Variants in GLI1 observed in about 807,000 individuals in gnomAD.
The protein encoded by GLI1 is transcription activator GLI1.
A neutral mutation model predicts 87.8 loss-of-function variants in GLI1; 51 were observed. That is an observed-to-expected ratio of 0.58 (90% CI 0.46 to 0.73). The LOEUF (loss-of-function observed/expected upper bound fraction) is 0.73. Ranked by LOEUF, GLI1 falls within the 30% of genes least tolerant of loss-of-function variation. The pLI is 0.00. For missense variants in GLI1, 1,292 were observed against 1,437.2 expected (o/e 0.90, Z 1.63); for synonymous variants, 528 against 558.2 (o/e 0.95, Z 0.76).
In GLI1 at chr12:57,471,344, A is replaced by G. The variant is rs766602765; in HGVS notation, c.2604A>G (p.Pro868=). Residue 868 remains proline, a synonymous_variant, in exon 12 of 12, where the codon CCA becomes CCG. Coordinates refer to ENST00000228682, the MANE Select transcript of GLI1 (RefSeq NM_005269.3). The surrounding 1 kb of genome is among the most constrained non-coding windows in gnomAD (Gnocchi z 4.9). ...TCCAGTCAGGCCCCTATACCCAGCCACCCCCTGATTATCTTCCTTCAGAAC... is the reference window on the plus strand; with the variant it reads ...TCCAGTCAGGCCCCTATACCCAGCCGCCCCCTGATTATCTTCCTTCAGAAC... ...QYLQSGPYTQ[P]PPDYLPSEPR... The G allele has an allele frequency of 1.9e-6, 3 of 1,567,232 alleles. No individual in the cohort carries two copies. The African/African-American group carries it at 4.2e-5, about 22-fold the overall frequency.
At position 57,465,696 on chromosome 12, in the gene GLI1, G is replaced by A; in HGVS notation, c.624G>A (p.Gln208=). 6.2e-7 allele frequency: 1 copy of A among 1,613,992 alleles called. No individual in the cohort carries two copies. The highest frequency in any genetic ancestry group is 8.5e-7 in the Non-Finnish European group (1 of 1,179,830). Residue 208 remains glutamine (Q), a splice_region_variant and synonymous_variant, in exon 6 of 12, where the codon CAG becomes CAA. Transcript: ENST00000228682. ...DMSSPNSTGI[Q]DPLLGMLDGR... ...CCAGCCCCAACTCCACAGGCATACA[G>A]GTAAGGGGATGGGCAGGAGCTTTAC...
intron 10 of GLI1, 28 bp from the exon 11 acceptor site, chr12:57,469,403 T>C (rs1871717518): frequency 5.6e-6 from 9 of 1,607,890 alleles, no homozygotes; most frequent in Non-Finnish European, 6.8e-6. Flanking sequence ...GGGAAGGGTG[T>C]TGCCCTCAGA....
At position 57,471,175 on chromosome 12, in the gene GLI1, T is replaced by G; in HGVS notation, c.2435T>G (p.Val812Gly). The change falls in exon 12 of 12, where the codon GTG (valine) becomes GGG (glycine). Residue 812 changes from valine to glycine, a missense_variant. Physicochemically the swap from Val to Gly is moderately radical, Grantham distance 109 (BLOSUM62 -3). Transcript: ENST00000228682. The surrounding 1 kb of genome is among the most constrained non-coding windows in gnomAD (Gnocchi z 4.9). ...CCTCGACTTGAACATTATGGACAAG[T>G]GCAAGTCAAGCCAGAACAGGGGTGC... ...QCPRLEHYGQ[V>G]QVKPEQGCPV... 2 of 1,604,620 alleles carry G rather than the reference T, an allele frequency of 1.2e-6. No homozygotes were observed. The highest frequency in any genetic ancestry group is 2.2e-5 in the South Asian group (2 of 89,816).
At chr12:57,466,209 C>A in intron 7 of GLI1, 31 bp from the exon 8 acceptor site, 1 of 1,598,218 alleles carries the variant, frequency 6.3e-7, no homozygotes, top group Non-Finnish European at 8.5e-7. Flanking sequence ...CATGGGAGAG[C>A]CTTGGAGAGC....
At position 57,459,950 on chromosome 12, in the gene GLI1, G is replaced by A. The variant is rs1394719894; in HGVS notation, c.-279G>A. ...GTGAGGGGCGAGCGGGAAGAGCGGC[G>A]GCGCGCCAGCGGCTGGAGAGAGAAA... On this transcript the variant is annotated 5_prime_UTR_variant, in exon 1 of 12. Coordinates refer to ENST00000228682, the MANE Select transcript of GLI1 (RefSeq NM_005269.3). Among the ~76,000 whole-genome samples the A allele has an allele frequency of 1.4e-4, 22 of 152,078 alleles. No homozygotes were observed. The highest frequency in any genetic ancestry group is 9.2e-4 in the Admixed American group (14 of 15,272).
At chr12:57,465,305 G>GT (rs1159332621) in intron 5 of GLI1, 50 bp downstream of exon 5, 3 of 1,506,754 alleles carry the variant, frequency 2.0e-6, no homozygotes, top group Non-Finnish European at 2.7e-6. Context: ...AGGGTGGGTG[G>GT]GTGGTGGATT....
rs779645624 is a variant in GLI1 at position 57,465,773 on chromosome 12, C to A, written c.625-15C>A. On this transcript the variant is annotated splice_polypyrimidine_tract_variant and intron_variant, in intron 6 of 11. Coordinates refer to ENST00000228682, the MANE Select transcript of GLI1 (RefSeq NM_005269.3). ...TGTCACCCAAGTGACCCTGAGATTG[C>A]CTCTCTTGCCCTAGGATCCCCTGTT... The A allele has an allele frequency of 6.2e-7, 1 of 1,613,974 alleles. No homozygotes were observed. Among genetic ancestry groups the A allele is most frequent in the African/African-American group, 1.3e-5 (1 of 75,054 alleles).
chr12:57,465,533 G>C, intron 5 of GLI1, 74 bp from the exon 6 acceptor site: 2 of 1,252,860 alleles, frequency 1.6e-6, no homozygotes, highest in Non-Finnish European at 2.3e-6. Flanking sequence ...CTTAGGGCAG[G>C]AAGACCTGGC....
rs1288023013 is a variant in GLI1, at chr12:57,460,192, CCAGA to C, written c.-32_-29del. On this transcript the variant is annotated 5_prime_UTR_variant, in exon 1 of 12. Transcript: ENST00000228682. Reference sequence around the variant, plus strand: ...GGACCGCGCATCCCGAGCCCAGCGCCCAGACAGAGGTGAGAAGGGGGGGCAGGCG... The same window carrying C: ...GGACCGCGCATCCCGAGCCCAGCGCCCAGAGGTGAGAAGGGGGGGCAGGCG... 6.7e-6 allele frequency: 1 copy of C among 149,866 alleles called. No homozygotes were observed. Among genetic ancestry groups the C allele is most frequent in the East Asian group, 2.0e-4 (1 of 5,044 alleles). The allele number at this position is 149,866 out of a possible 1,614,324, so 9.3% of individuals were successfully genotyped here.
Position 57,471,645 on chromosome 12 carries a change from C to G in GLI1, c.2905C>G (p.Pro969Ala), listed in dbSNP as rs1871959085. 4.3e-6 allele frequency: 7 copies of G among 1,613,312 alleles called. No homozygotes were observed. The East Asian group carries it at 1.6e-4, about 36-fold the overall frequency. Residue 969 changes from proline (P) to alanine (A), a missense_variant, in exon 12 of 12, where the codon CCA becomes GCA. Around this residue, in one of 3 missense-constraint regions of GLI1, gnomAD observed 897 missense variants for 1,040.7 expected, o/e 0.86. Transcript: ENST00000228682. The surrounding 1 kb of genome is among the most constrained non-coding windows in gnomAD (Gnocchi z 4.9). ...GTCAGGTTCCTATCCCACCCCTTCA[C>G]CATGCCATGAAAATTTTGTAGTGGG... ...HKSGSYPTPS[P>A]CHENFVVGAN...
Position 57,469,451 on chromosome 12 carries a change from G to A in GLI1, c.1329G>A (p.Gly443=), listed in dbSNP as rs1361543026. The part of the protein sequence containing the change: ...EGAMKPQPSP[G]AQSSCSSDHS... ...CACAGAAGCCACAGCCAAGCCCTGGGGCCCAGTCATCCTGCAGCAGTGACC... is the reference window on the plus strand; with the variant it reads ...CACAGAAGCCACAGCCAAGCCCTGGAGCCCAGTCATCCTGCAGCAGTGACC... Residue 443 remains glycine, a synonymous_variant, in exon 11 of 12, where the codon GGG becomes GGA. Coordinates refer to ENST00000228682, the MANE Select transcript of GLI1 (RefSeq NM_005269.3). 1.9e-6 allele frequency: 3 copies of A among 1,613,802 alleles called. No homozygotes were observed. The highest frequency in any genetic ancestry group is 2.5e-6 in the Non-Finnish European group (3 of 1,180,024).
At chr12:57,467,806 G>C (rs1458787475) in intron 9 of GLI1, among the ~76,000 whole-genome samples, 188 bp from the exon 10 acceptor site, 1 of 152,134 alleles carries the variant, frequency 6.6e-6, no homozygotes, top group African/African-American at 2.4e-5. Context: ...TTCCCAGGCT[G>C]TCAGTTTTCC....
rs1483280901 is a variant in GLI1, at chr12:57,467,390, TCA to T, written c.976_977del (p.Thr326GlyfsTer2). On this transcript the variant is annotated frameshift_variant, in exon 9 of 12. Coordinates refer to ENST00000228682, the MANE Select transcript of GLI1 (RefSeq NM_005269.3). LOFTEE classifies it high-confidence loss of function. ...RLENLKTHLR[S>X]HTGEKPYMCE... ...CGAAAACCTGAAGACGCACCTGCGG[TCA>T]CACACGGGTGAGAAGCCATACATGT... The T allele has an allele frequency of 6.2e-7, 1 of 1,612,800 alleles. No individual in the cohort carries two copies. Among genetic ancestry groups the T allele is most frequent in the Non-Finnish European group, 8.5e-7 (1 of 1,178,982 alleles).
At position 57,463,750 on chromosome 12, in the gene GLI1, G is replaced by A. The variant is rs199861974; in HGVS notation, c.59G>A (p.Arg20Gln). 24 of 1,610,932 alleles carry A rather than the reference G, an allele frequency of 1.5e-5. No homozygotes were observed. The highest frequency in any genetic ancestry group is 2.7e-5 in the African/African-American group (2 of 74,862). Residue 20 changes from arginine (R) to glutamine (Q), a missense_variant, in exon 2 of 12, where the codon CGG becomes CAG. This residue lies in a region of GLI1 where 383 missense variants were observed against 368.4 expected (regional missense o/e 1.04). Transcript: ENST00000228682. Reference protein sequence around the residue: ...ISSYGEPCCLRPLPSQGAPSV... With the variant: ...ISSYGEPCCLQPLPSQGAPSV... ...AGCTATGGCGAGCCCTGCTGTCTCC[G>A]GCCCCTCCCCAGTCAGGGGGCCCCC...
Position 57,472,007 on chromosome 12 carries a change from T to C in GLI1, c.3267T>C (p.Ser1089=), listed in dbSNP as rs146709610. 11 of 1,543,200 alleles carry C rather than the reference T, an allele frequency of 7.1e-6. No individual in the cohort carries two copies. The African/African-American group carries it at 1.5e-4, about 21-fold the overall frequency. ...CCAACATGGCTGTGGGCAACATGAG[T>C]GTCTTACTGAGATCCCTACCTGGGG... The part of the protein sequence containing the change: ...GPPNMAVGNM[S]VLLRSLPGET... Residue 1089 remains serine, a synonymous_variant, in exon 12 of 12, where the codon AGT becomes AGC. Transcript: ENST00000228682.
chr12:57,463,848 C>A, intron 2 of GLI1, 57 bp downstream of exon 2: 1 of 1,087,846 alleles, frequency 9.2e-7, no homozygotes, highest in Non-Finnish European at 1.4e-6. Flanking sequence ...CCCACTTGGG[C>A]CCACCCCCAC....
At chr12:57,461,038 C>T (rs1871107988) in intron 1 of GLI1, among the ~76,000 whole-genome samples, 1 of 152,182 alleles carries the variant, frequency 6.6e-6, no homozygotes, top group South Asian at 2.1e-4. Context: ...GATCGAGGCC[C>T]CTCCTCTGGC....
chr12:57,471,293 C>A lies in GLI1; in HGVS notation c.2553C>A (p.Tyr851Ter), dbSNP rs768421030. 1.3e-6 allele frequency: 2 copies of A among 1,576,758 alleles called. No individual in the cohort carries two copies. The highest frequency in any genetic ancestry group is 1.7e-6 in the Non-Finnish European group (2 of 1,162,792). The change falls in exon 12 of 12, where the codon TAC becomes TAA. Residue 851 changes from tyrosine to a stop codon, truncating the protein, a stop_gained. Coordinates refer to ENST00000228682, the MANE Select transcript of GLI1 (RefSeq NM_005269.3). LOFTEE classifies it high-confidence loss of function. The surrounding 1 kb of genome is among the most constrained non-coding windows in gnomAD (Gnocchi z 4.9). ...PPHPQPLFSHYPQPSPPQYLQ... is the reference protein window; with the variant it reads ...PPHPQPLFSH The stretch of plus-strand genomic sequence containing the variant: ...ATCCACAGCCTCTCTTTTCCCATTA[C>A]CCCCAGCCCTCTCCTCCCCAATATC...
Position 57,470,615 on chromosome 12 carries a change from G to A in GLI1, c.1875G>A (p.Glu625=). The A allele has an allele frequency of 6.2e-7, 1 of 1,614,108 alleles. No individual in the cohort carries two copies. Among genetic ancestry groups the A allele is most frequent in the Non-Finnish European group, 8.5e-7 (1 of 1,180,024 alleles). The change falls in exon 12 of 12, where the codon GAG becomes GAA. Residue 625 remains glutamate (E), a synonymous_variant. Coordinates refer to ENST00000228682, the MANE Select transcript of GLI1 (RefSeq NM_005269.3). ...TGCCTCCTTGGAGAAGCCGAGCCGA[G>A]TATCCAGGATACAACCCCAATGCAG... ...LPMPPWRSRA[E]YPGYNPNAGV...
Sources: allele counts gnomAD v4.1 joint callset (sites outside exome capture counted in the v4.1 genomes callset), GRCh38; gene constraint gnomAD v4.1.1; regional missense constraint gnomAD v4.1.1; non-coding constraint Gnocchi (gnomAD v3.1); transcripts MANE v1.5; gene names NCBI Gene and HGNC (gene_info 2026-07-23, HGNC 2026-07-21).